Variants in CACNG3 observed in about 807,000 individuals in gnomAD.
CACNG3 encodes the protein calcium voltage-gated channel auxiliary subunit gamma 3, also known as voltage-dependent calcium channel gamma-3 subunit.
A neutral mutation model predicts 28.5 loss-of-function variants in CACNG3; 3 were observed. The ratio of observed to expected loss-of-function variants is 0.11; its 90% confidence interval spans 0.05 to 0.27. The LOEUF (loss-of-function observed/expected upper bound fraction) is 0.27, where lower values mean the gene tolerates loss of function less well. Among genes scored for constraint, CACNG3 ranks in the 10% least tolerant of loss-of-function variants. The pLI, the probability that CACNG3 is intolerant of heterozygous loss-of-function variation, is 1.00. For synonymous variants in CACNG3, 174 were observed against 162.2 expected (o/e 1.07, Z -0.55); for missense variants, 236 against 414.4 (o/e 0.57, Z 3.74).
chr16:24,287,124 C>T (rs1293409883), intron 1 of CACNG3, among the ~76,000 whole-genome samples: 2 of 152,204 alleles, frequency 1.3e-5, no homozygotes, highest in Non-Finnish European at 2.9e-5. Context: ...CTTTCTCTTG[C>T]TTTCTCAAAA....
intron 1 of CACNG3, among the ~76,000 whole-genome samples, chr16:24,289,244 C>T (rs1044382433): frequency 1.3e-5 from 2 of 151,596 alleles, no homozygotes; most frequent in African/African-American, 2.4e-5. Context: ...AGATTTTCCT[C>T]TTCTGGTCTT....
chr16:24,276,079 G>C (rs564926409), intron 1 of CACNG3, among the ~76,000 whole-genome samples: 15 of 152,272 alleles, frequency 9.9e-5, no homozygotes, highest in African/African-American at 3.6e-4. Flanking sequence ...CTTGTGTGAG[G>C]CTAGGTTTTC....
chr16:24,327,226 T>G (rs184993371), intron 1 of CACNG3, among the ~76,000 whole-genome samples: 155 of 142,564 alleles, frequency 1.1e-3, no homozygotes, highest in African/African-American at 3.8e-3. Flanking sequence ...AAGGAGAGTC[T>G]CAGGCAGTGA....
intron 1 of CACNG3, among the ~76,000 whole-genome samples, chr16:24,320,646 T>C (rs895052423): frequency 6.6e-6 from 1 of 152,206 alleles, no homozygotes; most frequent in Non-Finnish European, 1.5e-5. Flanking sequence ...TTCACTTTCC[T>C]TGTTTTCAGT....
At chr16:24,257,419 GAGA>G (rs1898479378) in intron 1 of CACNG3, among the ~76,000 whole-genome samples, 1 of 130,710 alleles carries the variant, frequency 7.7e-6, no homozygotes, top group East Asian at 2.4e-4. Flanking sequence ...GAGAGAGAGA[GAGA>G]GAGAGATCCT....
chr16:24,287,639 A>G (rs896552907), intron 1 of CACNG3, among the ~76,000 whole-genome samples: 1 of 152,056 alleles, frequency 6.6e-6, no homozygotes, highest in African/African-American at 2.4e-5. Flanking sequence ...TCCAAGACTC[A>G]TGGTCTCCCT....
chr16:24,361,907 G>A lies in CACNG3; in HGVS notation c.*44G>A, dbSNP rs773994251. The A allele has an allele frequency of 5.8e-6, 9 of 1,545,740 alleles. No individual in the cohort carries two copies. In the East Asian group the frequency reaches 9.0e-5, roughly 15 times the overall value. On this transcript the variant is annotated 3_prime_UTR_variant, in exon 4 of 4. Transcript: ENST00000005284. The surrounding 1 kb of genome is among the most constrained non-coding windows in gnomAD (Gnocchi z 6.8). ...CCCCACGCCCAGCACAGCCTTGGGGGAAGTGTACAGAGATGTCTCTGAGGT... is the reference window on the plus strand; with the variant it reads ...CCCCACGCCCAGCACAGCCTTGGGGAAAGTGTACAGAGATGTCTCTGAGGT...
At chr16:24,309,818 G>A (rs561589840) in intron 1 of CACNG3, among the ~76,000 whole-genome samples, 1 of 152,340 alleles carries the variant, frequency 6.6e-6, no homozygotes, top group African/African-American at 2.4e-5. Context: ...CGTGGCGCAT[G>A]CTAAGGCCCT....
At chr16:24,301,400 TGAA>T (rs1423026250) in intron 1 of CACNG3, among the ~76,000 whole-genome samples, 1 of 152,078 alleles carries the variant, frequency 6.6e-6, no homozygotes, top group Non-Finnish European at 1.5e-5. Context: ...CTGTGGAGGT[TGAA>T]GAATTAACTC....
chr16:24,335,351 C>T (rs1899688704), intron 1 of CACNG3, among the ~76,000 whole-genome samples: 1 of 152,112 alleles, frequency 6.6e-6, no homozygotes, highest in African/African-American at 2.4e-5. Context: ...ACCTGGGAGG[C>T]AGAAGTTGCA....
intron 1 of CACNG3, among the ~76,000 whole-genome samples, chr16:24,259,723 A>G (rs2141342811): frequency 6.6e-6 from 1 of 152,326 alleles, no homozygotes; most frequent in East Asian, 1.9e-4. Context: ...AGGTAGAAGT[A>G]GGAGCTAGAG....
chr16:24,272,983 T>G (rs1371456875), intron 1 of CACNG3, among the ~76,000 whole-genome samples: 2 of 152,170 alleles, frequency 1.3e-5, no homozygotes, highest in African/African-American at 4.8e-5. Context: ...TTTCCTGATC[T>G]TCTCCCTTCT....
At chr16:24,342,203 G>A (rs1347599344) in intron 1 of CACNG3, among the ~76,000 whole-genome samples, 5 of 152,142 alleles carry the variant, frequency 3.3e-5, no homozygotes, top group Admixed American at 3.3e-4. Context: ...AGGAGGTGGA[G>A]GTTGCAGTAA....
Position 24,311,238 on chromosome 16 carries a change from C to T in CACNG3, c.212-35496C>T, listed in dbSNP as rs114917619. 4.1e-3 allele frequency among the ~76,000 whole-genome samples: 621 copies of T among 152,216 alleles called. 7 individuals carry two copies. Among genetic ancestry groups the T allele is most frequent in the African/African-American group, 0.014 (571 of 41,536 alleles). Reference sequence around the variant, plus strand: ...AGGTGCCATTAAAAAGTACCAAGTGCGGTGGCTCACGCCTGTAATCCCAGC... The same window carrying T: ...AGGTGCCATTAAAAAGTACCAAGTGTGGTGGCTCACGCCTGTAATCCCAGC... On this transcript the variant is annotated intron_variant, in intron 1 of 3. Coordinates refer to ENST00000005284, the MANE Select transcript of CACNG3 (RefSeq NM_006539.4).
At chr16:24,337,227 C>T (rs368152457) in intron 1 of CACNG3, among the ~76,000 whole-genome samples, 4 of 152,100 alleles carry the variant, frequency 2.6e-5, no homozygotes, top group African/African-American at 7.2e-5. Flanking sequence ...TGAAAGCTTG[C>T]GTTCCTACCA....
At position 24,295,626 on chromosome 16, in the gene CACNG3, TACTTGAGCCTAGGA is replaced by T; in HGVS notation, c.211+38662_211+38675del. On this transcript the variant is annotated intron_variant, in intron 1 of 3. Coordinates refer to ENST00000005284, the MANE Select transcript of CACNG3 (RefSeq NM_006539.4). The stretch of plus-strand genomic sequence containing the variant: ...CTTTGGGAGACTGAGGAAGGAAGAT[TACTTGAGCCTAGGA>T]GTTTGAGACCAGCCTGGGCAACATA... 2.0e-5 allele frequency among the ~76,000 whole-genome samples: 3 copies of T among 152,098 alleles called. No individual in the cohort carries two copies. The East Asian group carries it at 5.8e-4, about 29-fold the overall frequency.
intron 1 of CACNG3, among the ~76,000 whole-genome samples, chr16:24,319,616 A>ATTT (rs777715750): frequency 5.3e-5 from 8 of 151,250 alleles, no homozygotes; most frequent in African/African-American, 9.7e-5. Flanking sequence ...TTATTTATTT[A>ATTT]ATTTATTTAT....
chr16:24,292,209 A>G (rs964097994), intron 1 of CACNG3, among the ~76,000 whole-genome samples: 4 of 152,274 alleles, frequency 2.6e-5, no homozygotes, highest in Admixed American at 2.0e-4. Flanking sequence ...ACTGTGCCAA[A>G]CAGCTCGATT....
intron 1 of CACNG3, among the ~76,000 whole-genome samples, chr16:24,336,945 T>A (rs1230672609): frequency 6.6e-6 from 1 of 152,132 alleles, no homozygotes; most frequent in Non-Finnish European, 1.5e-5. Context: ...TTTCTGAGCA[T>A]CTGGGACTCT....
Sources: allele counts gnomAD v4.1 joint callset (sites outside exome capture counted in the v4.1 genomes callset), GRCh38; gene constraint gnomAD v4.1.1; non-coding constraint Gnocchi (gnomAD v3.1); transcripts MANE v1.5; gene names NCBI Gene and HGNC (gene_info 2026-07-23, HGNC 2026-07-21).